The following FBXO11 variants were observed in gnomAD, a reference collection of about 807,000 sequenced individuals.
FBXO11 encodes F-box only protein 11.
A neutral mutation model predicts 117.0 loss-of-function variants in FBXO11; 13 were observed. That is an observed-to-expected ratio of 0.11 (90% CI 0.07 to 0.18). FBXO11 has a LOEUF of 0.18. Ranked by LOEUF, FBXO11 falls within the 10% of genes least tolerant of loss-of-function variation. The pLI, the probability that FBXO11 is intolerant of heterozygous loss-of-function variation, is 1.00. For missense variants in FBXO11, 767 were observed against 1,164.4 expected (o/e 0.66, Z 4.97); for synonymous variants, 490 against 380.5 (o/e 1.29, Z -3.35).
chr2:47,869,591 C>G (rs1385065272), intron 1 of FBXO11, among the ~76,000 whole-genome samples: 1 of 152,108 alleles, frequency 6.6e-6, no homozygotes, highest in Non-Finnish European at 1.5e-5. Flanking sequence ...TTGGGTTATC[C>G]CACCAGGTAA....
chr2:47,889,042 C>G (rs1677071993), intron 1 of FBXO11, among the ~76,000 whole-genome samples: 1 of 152,048 alleles, frequency 6.6e-6, no homozygotes, highest in Non-Finnish European at 1.5e-5. Flanking sequence ...CAGAAACATT[C>G]ATTCACTAAG....
chr2:47,834,600 G>C lies in FBXO11; in HGVS notation c.913C>G (p.Pro305Ala). Residue 305 changes from proline (P) to alanine (A), a missense_variant, in exon 7 of 23, where the codon CCA becomes GCA. This residue lies in a region of FBXO11 where 123 missense variants were observed against 145.0 expected (regional missense o/e 0.85). Coordinates refer to ENST00000403359, the MANE Select transcript of FBXO11 (RefSeq NM_001190274.2). ...ATACCTGCACCAATCATGGTGATTG[G>C]AGATTCAATATATATCCATTCATCA... ...YTDEWIYIES[P>A]ITMIGAAPGK... The C allele has an allele frequency of 6.3e-7, 1 of 1,581,976 alleles. No individual in the cohort carries two copies. The highest frequency in any genetic ancestry group is 8.6e-7 in the Non-Finnish European group (1 of 1,168,622).
rs988664101 is a variant in FBXO11, at chr2:47,832,556, C to A, written c.1260+16G>T. The A allele has an allele frequency of 1.9e-6, 3 of 1,606,580 alleles. No individual in the cohort carries two copies. The highest frequency in any genetic ancestry group is 1.3e-5 in the African/African-American group (1 of 74,310). Reference sequence around the variant, plus strand: ...ATTTTCTAAAAAGAAAAAAACCACACAAAATTAAAAAATACCTGTGCATGA... The same window carrying A: ...ATTTTCTAAAAAGAAAAAAACCACAAAAAATTAAAAAATACCTGTGCATGA... On this transcript the variant is annotated intron_variant, in intron 10 of 22. Transcript: ENST00000403359.
At chr2:47,896,328 TTC>T (rs1353284496) in intron 1 of FBXO11, among the ~76,000 whole-genome samples, 1 of 144,868 alleles carries the variant, frequency 6.9e-6, no homozygotes, top group Non-Finnish European at 1.6e-5. Flanking sequence ...ATTGTTTCTT[TTC>T]TTTTTTTTTT....
rs953503179 is a variant in FBXO11, at chr2:47,888,016, GA to G, written c.232+17472del. 2.1e-4 allele frequency among the ~76,000 whole-genome samples: 31 copies of G among 147,240 alleles called. 1 individual carries two copies. In the East Asian group the frequency reaches 4.3e-3, roughly 21 times the overall value. On this transcript the variant is annotated intron_variant, in intron 1 of 22. Coordinates refer to ENST00000403359, the MANE Select transcript of FBXO11 (RefSeq NM_001190274.2). ...TGGGTGAGAGAGTGAAACCTTGTCTGAAAAAAAAAATCCCTAAAAAATGAAA... is the reference window on the plus strand; with the variant it reads ...TGGGTGAGAGAGTGAAACCTTGTCTGAAAAAAAAATCCCTAAAAAATGAAA...
chr2:47,882,346 G>T (rs1676491774), intron 1 of FBXO11, among the ~76,000 whole-genome samples: 3 of 152,136 alleles, frequency 2.0e-5, no homozygotes, highest in South Asian at 2.1e-4. Context: ...AGTTAGGAAG[G>T]TTTCTGGCTA....
At chr2:47,884,799 A>G (rs1270229366) in intron 1 of FBXO11, among the ~76,000 whole-genome samples, 2 of 152,106 alleles carry the variant, frequency 1.3e-5, no homozygotes, top group African/African-American at 2.4e-5. Context: ...GTTTAATCAG[A>G]AAAACACGGA....
chr2:47,853,733 A>C (rs1674061261), intron 1 of FBXO11, among the ~76,000 whole-genome samples: 1 of 152,344 alleles, frequency 6.6e-6, no homozygotes, highest in Admixed American at 6.5e-5. Flanking sequence ...AATACTTAAC[A>C]GTACCTGGCA....
chr2:47,843,943 G>A (rs979176581), intron 1 of FBXO11, among the ~76,000 whole-genome samples: 1 of 152,042 alleles, frequency 6.6e-6, no homozygotes, highest in African/African-American at 2.4e-5. Flanking sequence ...GTTTCACTAT[G>A]TTGGCCAGGA....
chr2:47,899,822 G>A (rs1677962945), intron 1 of FBXO11, among the ~76,000 whole-genome samples: 1 of 152,112 alleles, frequency 6.6e-6, no homozygotes, highest in Non-Finnish European at 1.5e-5. Context: ...AAAGATAAGT[G>A]GGACAAGACA....
intron 16 of FBXO11, among the ~76,000 whole-genome samples, chr2:47,817,098 T>C (rs1366837998): frequency 2.6e-5 from 4 of 152,238 alleles, no homozygotes; most frequent in African/African-American, 9.6e-5. Flanking sequence ...TGTAGCCACC[T>C]TCAACAATGA....
chr2:47,838,551 G>C (rs1672770784), intron 4 of FBXO11, among the ~76,000 whole-genome samples: 2 of 151,872 alleles, frequency 1.3e-5, no homozygotes, highest in South Asian at 4.1e-4. Flanking sequence ...TAATCTATCA[G>C]ATTTAAAATT....
intron 8 of FBXO11, 27 bp from the exon 9 acceptor site, chr2:47,832,907 T>TA (rs1319790604): frequency 2.5e-6 from 4 of 1,608,352 alleles, no homozygotes; most frequent in Non-Finnish European, 3.4e-6. Flanking sequence ...TTGTTTGAAA[T>TA]AAACAATTAC....
chr2:47,885,121 A>G (rs1676725610), intron 1 of FBXO11, among the ~76,000 whole-genome samples: 1 of 152,232 alleles, frequency 6.6e-6, no homozygotes. Context: ...AATGGGCCTA[A>G]CAACAACTGT....
chr2:47,844,999 C>A, intron 1 of FBXO11, among the ~76,000 whole-genome samples: 1 of 152,184 alleles, frequency 6.6e-6, no homozygotes, highest in Non-Finnish European at 1.5e-5. Context: ...ATGTCTCTAT[C>A]AGCTTGTTTG....
chr2:47,883,142 G>A (rs1400311223), intron 1 of FBXO11, among the ~76,000 whole-genome samples: 1 of 152,118 alleles, frequency 6.6e-6, no homozygotes, highest in East Asian at 1.9e-4. Context: ...CTGTTCTGTA[G>A]CAACACTTCA....
intron 1 of FBXO11, among the ~76,000 whole-genome samples, chr2:47,873,523 C>T (rs1675777321): frequency 6.6e-6 from 1 of 151,828 alleles, no homozygotes; most frequent in Non-Finnish European, 1.5e-5. Context: ...AGCTTCCATA[C>T]CTTCCCAGTG....
At chr2:47,900,878 A>ATATATATACACGTATATACACACACGTG (rs1678181417) in intron 1 of FBXO11, among the ~76,000 whole-genome samples, 1 of 142,242 alleles carries the variant, frequency 7.0e-6, no homozygotes, top group African/African-American at 2.7e-5. Context: ...ACACACGTGT[A>ATATATATACACGTATATACACACACGTG]TATATATACA....
Position 47,892,466 on chromosome 2 carries a change from C to T in FBXO11, c.232+13023G>A, listed in dbSNP as rs957467290. Reference sequence around the variant, plus strand: ...CATACTGTGATCAACCTCCCTACATCCGGATCTTCCAGCTCAGTTTTTCAA... The same window carrying T: ...CATACTGTGATCAACCTCCCTACATTCGGATCTTCCAGCTCAGTTTTTCAA... On this transcript the variant is annotated intron_variant, in intron 1 of 22. Coordinates refer to ENST00000403359, the MANE Select transcript of FBXO11 (RefSeq NM_001190274.2). 4.6e-5 allele frequency among the ~76,000 whole-genome samples: 7 copies of T among 152,320 alleles called. No homozygotes were observed. The East Asian group carries it at 1.2e-3, about 25-fold the overall frequency.
Sources: gnomAD v4.1 joint callset for allele counts (sites outside exome capture counted in the v4.1 genomes callset) on GRCh38, gnomAD v4.1.1 for gene constraint, gnomAD v4.1.1 regional missense constraint, MANE v1.5 for transcripts, NCBI Gene and HGNC (gene_info 2026-07-23, HGNC 2026-07-21) for gene names.